Variants in PPM1E observed in about 807,000 individuals in gnomAD.
PPM1E encodes the protein protein phosphatase 1E.
Under a neutral mutation model 65.9 loss-of-function variants are expected in PPM1E, and 20 were observed. The observed-to-expected ratio is 0.30, with a 90% CI of 0.21 to 0.44. The LOEUF is 0.44. PPM1E is among the 20% of genes least tolerant of loss of function. The pLI is 1.00. For synonymous variants in PPM1E, 352 were observed against 374.9 expected, an observed-to-expected ratio of 0.94 and a Z score of 0.70; for missense variants, 713 against 953.1, an observed-to-expected ratio of 0.75 and a Z score of 3.32.
chr17:58,923,947 T>G (rs1227590291), intron 1 of PPM1E, among the ~76,000 whole-genome samples: 1 of 120,352 alleles, frequency 8.3e-6, no homozygotes, highest in Non-Finnish European at 1.6e-5. Flanking sequence ...AGACAGAATC[T>G]CGCTCTTGTC....
intron 1 of PPM1E, among the ~76,000 whole-genome samples, chr17:58,806,867 GT>G (rs5821248): frequency 1.6e-4 from 23 of 145,752 alleles, no homozygotes; most frequent in East Asian, 2.0e-4. Flanking sequence ...GCCCTGCTGT[GT>G]TTTTTTTTTT....
intron 2 of PPM1E, among the ~76,000 whole-genome samples, chr17:58,963,022 G>A (rs567560374): frequency 3.9e-5 from 6 of 152,178 alleles, no homozygotes; most frequent in Admixed American, 3.9e-4. Flanking sequence ...CCAGGAATTT[G>A]AGGCTGCAGT....
chr17:58,876,985 G>C (rs1001486451), intron 1 of PPM1E, among the ~76,000 whole-genome samples: 1 of 152,112 alleles, frequency 6.6e-6, no homozygotes, highest in Non-Finnish European at 1.5e-5. Flanking sequence ...AGGTTTCACC[G>C]TGTTAGCCAG....
intron 1 of PPM1E, among the ~76,000 whole-genome samples, chr17:58,875,854 A>C (rs537124274): frequency 2.3e-4 from 35 of 152,286 alleles, no homozygotes; most frequent in Non-Finnish European, 4.4e-4. Context: ...GGATATAGCT[A>C]GTTTAATCAT....
In PPM1E at chr17:58,982,261, TCTG is replaced by T. The variant is rs2031400435; in HGVS notation, c.*1233_*1235del. The stretch of plus-strand genomic sequence containing the variant: ...AGTTATATTTGATATTTTGAAACTG[TCTG>T]CTTTTTGCTATTTCTGCAGTTTCAA... On this transcript the variant is annotated 3_prime_UTR_variant, in exon 7 of 7. Transcript: ENST00000308249. The T allele has an allele frequency of 6.6e-6, 1 of 152,528 alleles. No individual in the cohort carries two copies. The highest frequency in any genetic ancestry group is 2.4e-5 in the African/African-American group (1 of 41,472). The allele number at this position is 152,528 out of a possible 1,614,324, so 9.4% of individuals were successfully genotyped here. A position where few individuals can be genotyped will look rare whatever the true frequency, so the allele number is the denominator to read the frequency against.
At chr17:58,816,774 ATATATATATATATATATATATTTT>A (rs1249160183) in intron 1 of PPM1E, among the ~76,000 whole-genome samples, 831 of 13,832 alleles carry the variant, frequency 0.06, 22 homozygotes, top group African/African-American at 0.15. Flanking sequence ...ATATATATAT[ATATATATATATATATATATATTTT>A]TTTTTTTTTT....
At chr17:58,825,912 A>G (rs1355174555) in intron 1 of PPM1E, among the ~76,000 whole-genome samples, 1 of 152,060 alleles carries the variant, frequency 6.6e-6, no homozygotes, top group African/African-American at 2.4e-5. Flanking sequence ...ACATTTTAAT[A>G]TTTTTAGATA....
At chr17:58,967,746 A>C (rs1178893167) in intron 3 of PPM1E, among the ~76,000 whole-genome samples, 1 of 151,212 alleles carries the variant, frequency 6.6e-6, no homozygotes, top group Non-Finnish European at 1.5e-5. Context: ...CGAGTTGTTT[A>C]AAAATGAGTA....
intron 1 of PPM1E, among the ~76,000 whole-genome samples, chr17:58,903,432 C>T (rs1270878154): frequency 6.6e-6 from 1 of 152,126 alleles, no homozygotes; most frequent in Non-Finnish European, 1.5e-5. Flanking sequence ...AAGCTTTTGC[C>T]TTTATCTCAA....
intron 1 of PPM1E, among the ~76,000 whole-genome samples, chr17:58,881,959 A>C (rs1473925891): frequency 6.9e-6 from 1 of 144,178 alleles, no homozygotes; most frequent in East Asian, 2.1e-4. Flanking sequence ...CAGGAGTTTG[A>C]GACCAGCCTG....
In PPM1E at chr17:58,756,458, A is replaced by G; in HGVS notation, c.461A>G (p.Lys154Arg). The G allele has an allele frequency of 7.6e-7, 1 of 1,307,782 alleles. No homozygotes were observed. The highest frequency in any genetic ancestry group is 2.7e-5 in the South Asian group (1 of 36,784). 81.0% of individuals were successfully genotyped at this position (1,307,782 alleles called of 1,614,324 possible). A position where few individuals can be genotyped will look rare whatever the true frequency, so the allele number is the denominator to read the frequency against. ...SLDLCLQQLYKYNCPSFLAAA... is the reference protein window; with the variant it reads ...SLDLCLQQLYRYNCPSFLAAA... ...GACCTGTGCCTGCAGCAGCTCTACA[A>G]ATAGTTAAGTAGCTGGGCTTGGCTG... is the stretch of plus-strand genomic sequence containing the variant. Residue 154 changes from lysine (K) to arginine (R), a missense_variant, in exon 1 of 7, where the codon AAA (lysine) becomes AGA (arginine). By Grantham distance (26) the Lys-to-Arg change is conservative (BLOSUM62 2). This residue lies in a region of PPM1E where 84 missense variants were observed against 113.9 expected (regional missense o/e 0.74). Coordinates refer to ENST00000308249, the MANE Select transcript of PPM1E (RefSeq NM_014906.5).
rs16943335 is a variant in PPM1E at position 58,981,896 on chromosome 17, A to G, written c.*865A>G. On this transcript the variant is annotated 3_prime_UTR_variant, in exon 7 of 7. Coordinates refer to ENST00000308249, the MANE Select transcript of PPM1E (RefSeq NM_014906.5). The stretch of plus-strand genomic sequence containing the variant: ...ATGATGTCAGGTACAAATACACTAT[A>G]GAGTCAAAATACCATTTACAAAGAA... The G allele has an allele frequency of 0.04, 6,108 of 152,746 alleles. 238 individuals carry two copies. The highest frequency in any genetic ancestry group is 0.099 in the African/African-American group (4,103 of 41,554). The allele number at this position is 152,746 out of a possible 1,614,324, so 9.5% of individuals were successfully genotyped here.
chr17:58,968,452 T>A (rs2143695328), intron 3 of PPM1E, among the ~76,000 whole-genome samples: 1 of 152,270 alleles, frequency 6.6e-6, no homozygotes, highest in South Asian at 2.1e-4. Context: ...AAAGAACTTT[T>A]TCAAAGTACA....
At chr17:58,803,091 A>G (rs1388508619) in intron 1 of PPM1E, among the ~76,000 whole-genome samples, 1 of 152,144 alleles carries the variant, frequency 6.6e-6, no homozygotes, top group Non-Finnish European at 1.5e-5. Context: ...GAATAGCACT[A>G]TGTTCTAGTT....
At chr17:58,853,611 T>C (rs1048638030) in intron 1 of PPM1E, among the ~76,000 whole-genome samples, 6 of 152,172 alleles carry the variant, frequency 3.9e-5, no homozygotes, top group Non-Finnish European at 5.9e-5. Flanking sequence ...GTGGATCACC[T>C]GAGGTCAGAG....
chr17:58,792,052 AT>A (rs2144251439), intron 1 of PPM1E, among the ~76,000 whole-genome samples: 2 of 151,294 alleles, frequency 1.3e-5, no homozygotes, highest in Admixed American at 1.3e-4. Context: ...TGTTTCTCCC[AT>A]TTTCTAGGGT....
chr17:58,946,486 GTC>G (rs1186110259), intron 1 of PPM1E, among the ~76,000 whole-genome samples: 1 of 152,116 alleles, frequency 6.6e-6, no homozygotes, highest in Non-Finnish European at 1.5e-5. Flanking sequence ...TTGAGACAGG[GTC>G]TCTCTGTCTC....
At chr17:58,765,515 T>C (rs2049865511) in intron 1 of PPM1E, among the ~76,000 whole-genome samples, 1 of 152,058 alleles carries the variant, frequency 6.6e-6, no homozygotes, top group Non-Finnish European at 1.5e-5. Flanking sequence ...ATGTGAATTA[T>C]TTGAGAATAT....
intron 2 of PPM1E, among the ~76,000 whole-genome samples, chr17:58,957,132 A>G (rs1023923190): frequency 1.3e-5 from 2 of 152,228 alleles, no homozygotes; most frequent in Admixed American, 6.5e-5. Flanking sequence ...AGCCAGGGTA[A>G]TGGCTGATTC....
Sources: gnomAD v4.1 joint callset for allele counts (sites outside exome capture counted in the v4.1 genomes callset) on GRCh38, gnomAD v4.1.1 for gene constraint, gnomAD v4.1.1 regional missense constraint, MANE v1.5 for transcripts, NCBI Gene and HGNC (gene_info 2026-07-23, HGNC 2026-07-21) for gene names.